The following PCDHA12 variants were observed in gnomAD, a reference collection of about 807,000 sequenced individuals.
PCDHA12 encodes protocadherin alpha 12.
PCDHA12 carries 44 observed loss-of-function variants against 60.0 expected under a neutral mutation model. The observed-to-expected ratio is 0.73, with a 90% confidence interval of 0.58 to 0.94. The LOEUF is 0.94. Ranked by LOEUF, PCDHA12 falls within the 40% of genes least tolerant of loss-of-function variation. The pLI is 0.00. For synonymous variants in PCDHA12, 569 were observed against 553.0 expected (o/e 1.03, Z -0.40); for missense variants, 1,276 against 1,239.7 (o/e 1.03, Z -0.44).
In PCDHA12 at chr5:140,978,698, A is replaced by C. The variant is rs150194035; in HGVS notation, c.2368-251A>C. 1.4e-3 allele frequency among the ~76,000 whole-genome samples: 215 copies of C among 152,372 alleles called. 5 individuals carry two copies. In the South Asian group the frequency reaches 0.033, roughly 23 times the overall value. ...ACATGTATTGGGCAAGGCAAAGCCA[A>C]AGGTGGCCTTTACAAGATTATTAAA... is the stretch of plus-strand genomic sequence containing the variant. On this transcript the variant is annotated intron_variant, in intron 1 of 3. Transcript: ENST00000398631.
chr5:140,882,049 T>C, intron 1 of PCDHA12: 1 of 752,814 alleles, frequency 1.3e-6, no homozygotes, highest in Non-Finnish European at 2.1e-6. Flanking sequence ...TGAGTCATAC[T>C]TACACTTACA....
chr5:140,966,402 G>A (rs1554228257), intron 1 of PCDHA12: 4 of 404,514 alleles, frequency 9.9e-6, no homozygotes, highest in African/African-American at 8.2e-5. Context: ...ACTTCGGCGC[G>A]GAATCAGAGC....
At chr5:140,976,585 C>A (rs1415996919) in intron 1 of PCDHA12, among the ~76,000 whole-genome samples, 1 of 152,064 alleles carries the variant, frequency 6.6e-6, no homozygotes, top group African/African-American at 2.4e-5. Flanking sequence ...AAAACACAGA[C>A]TTTTGTGTTA....
intron 1 of PCDHA12, among the ~76,000 whole-genome samples, chr5:140,885,555 C>T (rs1225816980): frequency 3.3e-5 from 5 of 151,940 alleles, no homozygotes; most frequent in South Asian, 2.1e-4. Flanking sequence ...GTTATTTCTA[C>T]GAAATTGATT....
At chr5:140,971,728 C>A (rs1221096186) in intron 1 of PCDHA12, among the ~76,000 whole-genome samples, 2 of 151,550 alleles carry the variant, frequency 1.3e-5, no homozygotes, top group African/African-American at 2.4e-5. Flanking sequence ...GTATATCATA[C>A]ATATACACAT....
rs782328874 is a variant in PCDHA12, at chr5:141,009,755, C to G, written c.2644C>G (p.Pro882Ala). The G allele has an allele frequency of 6.2e-7, 1 of 1,614,002 alleles. No homozygotes were observed. Among genetic ancestry groups the G allele is most frequent in the African/African-American group, 1.3e-5 (1 of 74,894 alleles). ...TGAGTTGCCCGACAAATTCATTATC[C>G]CAGGATCTCCTGCAATCATCTCCAT... ...PGELPDKFII[P>A]GSPAIISIRQ... Residue 882 changes from proline (P) to alanine (A), a missense_variant, in exon 4 of 4, where the codon CCA becomes GCA. Physicochemically the swap from Pro to Ala is conservative, Grantham distance 27. Coordinates refer to ENST00000398631, the MANE Select transcript of PCDHA12 (RefSeq NM_018903.4).
chr5:140,890,822 A>T (rs1044008204), intron 1 of PCDHA12, among the ~76,000 whole-genome samples: 8 of 152,186 alleles, frequency 5.3e-5, no homozygotes, highest in Non-Finnish European at 1.0e-4. Flanking sequence ...TTTTAAATGT[A>T]CTTACATATT....
At position 140,967,211 on chromosome 5, in the gene PCDHA12, C is replaced by T. The variant is rs549238768; in HGVS notation, c.2368-11738C>T. On this transcript the variant is annotated intron_variant, in intron 1 of 3. Transcript: ENST00000398631. ...CATCAACGACAACTCACCGCGTTTC[C>T]CGCGGCCCAACTACCAGCTTCAGGT... 1.1e-5 allele frequency: 18 copies of T among 1,613,676 alleles called. No individual in the cohort carries two copies. The East Asian group carries it at 3.3e-4, about 30-fold the overall frequency.
intron 1 of PCDHA12, among the ~76,000 whole-genome samples, chr5:140,941,077 G>C (rs2092726978): frequency 6.6e-6 from 1 of 152,068 alleles, no homozygotes; most frequent in South Asian, 2.1e-4. Context: ...CTGGAGAGTA[G>C]GTGGGTTTAG....
At chr5:140,923,468 G>T (rs2081380588) in intron 1 of PCDHA12, among the ~76,000 whole-genome samples, 1 of 152,098 alleles carries the variant, frequency 6.6e-6, no homozygotes, top group African/African-American at 2.4e-5. Flanking sequence ...GGTAGGGGCT[G>T]CAGTGAGCCA....
intron 1 of PCDHA12, among the ~76,000 whole-genome samples, chr5:140,944,732 G>A (rs1351639657): frequency 6.6e-6 from 1 of 152,142 alleles, no homozygotes; most frequent in Non-Finnish European, 1.5e-5. Context: ...ACCTTAGTAA[G>A]TCTGAGCATT....
At position 140,899,912 on chromosome 5, in the gene PCDHA12, A is replaced by G. The variant is rs574794282; in HGVS notation, c.2367+22073A>G. The stretch of plus-strand genomic sequence containing the variant: ...AGCCTTGACATCCTGGGCTCAAGCA[A>G]TCCTCCTGCCTCAGCCTCCTGAATA... On this transcript the variant is annotated intron_variant, in intron 1 of 3. Transcript: ENST00000398631. Among the ~76,000 whole-genome samples the G allele has an allele frequency of 2.0e-5, 3 of 152,154 alleles. No homozygotes were observed. In the East Asian group the frequency reaches 5.8e-4, roughly 29 times the overall value.
Position 140,908,264 on chromosome 5 carries a change from C to T in PCDHA12, c.2367+30425C>T, listed in dbSNP as rs184452768. Among the ~76,000 whole-genome samples the T allele has an allele frequency of 2.1e-4, 32 of 152,244 alleles. 1 individual carries two copies. Among genetic ancestry groups the T allele is most frequent in the African/African-American group, 6.3e-4 (26 of 41,538 alleles). Reference sequence around the variant, plus strand: ...CCTCATCAACTGATCATAGGGAACTCCCCATGAGGCCATTGTTGCAAGCTG... The same window carrying T: ...CCTCATCAACTGATCATAGGGAACTTCCCATGAGGCCATTGTTGCAAGCTG... On this transcript the variant is annotated intron_variant, in intron 1 of 3. Coordinates refer to ENST00000398631, the MANE Select transcript of PCDHA12 (RefSeq NM_018903.4).
At chr5:140,976,423 T>C (rs1378184646) in intron 1 of PCDHA12, among the ~76,000 whole-genome samples, 22 of 151,886 alleles carry the variant, frequency 1.4e-4, no homozygotes, top group Admixed American at 1.3e-3. Context: ...CGGTGGCAGA[T>C]GCCTGTAATC....
chr5:140,991,066 C>T (rs2097429810), intron 3 of PCDHA12, among the ~76,000 whole-genome samples: 2 of 152,122 alleles, frequency 1.3e-5, no homozygotes, highest in Non-Finnish European at 2.9e-5. Context: ...TTATTATTCC[C>T]ATGTTTCAGA....
At chr5:140,956,212 C>A (rs246014) in intron 1 of PCDHA12, among the ~76,000 whole-genome samples, 85,603 of 151,956 alleles carry the variant, frequency 0.56, 24,735 homozygotes, top group African/African-American at 0.69. Context: ...AAGAGGGCAT[C>A]CTTGTCTTGT....
At chr5:140,913,288 T>C (rs1452332608) in intron 1 of PCDHA12, among the ~76,000 whole-genome samples, 1 of 152,172 alleles carries the variant, frequency 6.6e-6, no homozygotes, top group Non-Finnish European at 1.5e-5. Context: ...GTTTAGGTTT[T>C]AATTTCTTCA....
intron 1 of PCDHA12, chr5:140,928,699 G>C (rs782291734): frequency 1.2e-6 from 2 of 1,614,170 alleles, no homozygotes; most frequent in East Asian, 2.2e-5. Flanking sequence ...CATCTCCCGG[G>C]CGTCTGACTC....
chr5:140,927,155 G>A (rs2083907874), intron 1 of PCDHA12: 1 of 1,614,076 alleles, frequency 6.2e-7, no homozygotes, highest in Non-Finnish European at 8.5e-7. Flanking sequence ...CAGCTGTGCA[G>A]GGCCAAAGCT....
Sources: allele counts gnomAD v4.1 joint callset (sites outside exome capture counted in the v4.1 genomes callset), GRCh38; gene constraint gnomAD v4.1.1; transcripts MANE v1.5; gene names NCBI Gene and HGNC (gene_info 2026-07-23, HGNC 2026-07-21).